Variants in CD96 observed in about 807,000 individuals in gnomAD.
The protein encoded by CD96 is CD96 molecule.
Under a neutral mutation model 71.3 loss-of-function variants are expected in CD96, and 70 were observed. The ratio of observed to expected loss-of-function variants is 0.98; its 90% CI spans 0.81 to 1.20. The LOEUF (loss-of-function observed/expected upper bound fraction) is 1.20, where lower values mean the gene tolerates loss of function less well. CD96 is among the 50% of genes most tolerant of loss of function. CD96 has a pLI of 0.00. For missense variants in CD96, 742 were observed against 677.5 expected, an observed-to-expected ratio of 1.10 and a Z score of -1.06; for synonymous variants, 248 against 233.0, an observed-to-expected ratio of 1.06 and a Z score of -0.59.
At chr3:111,579,836 T>G (rs2107586377) in intron 4 of CD96, among the ~76,000 whole-genome samples, 1 of 152,314 alleles carries the variant, frequency 6.6e-6, no homozygotes, top group African/African-American at 2.4e-5. Context: ...CTCTCAATAC[T>G]GCCACACTGG....
chr3:111,565,651 G>C (rs976772909), intron 2 of CD96, among the ~76,000 whole-genome samples: 3 of 151,978 alleles, frequency 2.0e-5, no homozygotes, highest in African/African-American at 7.2e-5. Flanking sequence ...ACTCCATTTG[G>C]AAGTGCTGTG....
At chr3:111,641,075 A>G (rs1480409503) in intron 12 of CD96, among the ~76,000 whole-genome samples, 1 of 152,238 alleles carries the variant, frequency 6.6e-6, no homozygotes, top group Non-Finnish European at 1.5e-5. Flanking sequence ...AATACAAGTT[A>G]AAAAGCAAAA....
chr3:111,613,043 C>T (rs1177768008), intron 8 of CD96, among the ~76,000 whole-genome samples: 1 of 152,036 alleles, frequency 6.6e-6, no homozygotes, highest in Non-Finnish European at 1.5e-5. Flanking sequence ...TCTTTTTCAT[C>T]ACCTTCCACC....
chr3:111,550,288 G>T (rs978009574), intron 2 of CD96, among the ~76,000 whole-genome samples: 1 of 152,140 alleles, frequency 6.6e-6, no homozygotes, highest in African/African-American at 2.4e-5. Context: ...GGGAGAAGAG[G>T]AATGAGTGGG....
intron 7 of CD96, among the ~76,000 whole-genome samples, chr3:111,602,053 C>G (rs1168686409): frequency 6.6e-6 from 1 of 152,154 alleles, no homozygotes; most frequent in African/African-American, 2.4e-5. Context: ...ACTAAAATAG[C>G]CTTACTCAAC....
At chr3:111,602,831 A>G (rs964501944) in intron 7 of CD96, among the ~76,000 whole-genome samples, 8 of 152,220 alleles carry the variant, frequency 5.3e-5, no homozygotes, top group African/African-American at 1.9e-4. Context: ...GCTAGATTAG[A>G]GAAACGCTAA....
intron 5 of CD96, among the ~76,000 whole-genome samples, chr3:111,590,729 A>G (rs1307042646): frequency 6.6e-6 from 1 of 152,202 alleles, no homozygotes; most frequent in East Asian, 1.9e-4. Context: ...TCCATGTGGC[A>G]GGTTTTTGTA....
In CD96 at chr3:111,619,647, A is replaced by C. The variant is rs16858345; in HGVS notation, c.1181-4107A>C. Reference sequence around the variant, plus strand: ...TGAAATATAAACTTAGCCTTAAAACAAAAGGTACAAAGCAAGCTTTCTCAC... The same window carrying C: ...TGAAATATAAACTTAGCCTTAAAACCAAAGGTACAAAGCAAGCTTTCTCAC... On this transcript the variant is annotated intron_variant, in intron 8 of 13. Transcript: ENST00000352690. Among the ~76,000 whole-genome samples, 1,145 of 152,362 alleles carry C rather than the reference A, an allele frequency of 7.5e-3. 16 individuals are homozygous for C. The highest frequency in any genetic ancestry group is 0.026 in the African/African-American group (1,086 of 41,580).
rs1334776995 is a variant in CD96, at chr3:111,567,646, T to C, written c.542T>C (p.Val181Ala). The C allele has an allele frequency of 6.2e-7, 1 of 1,613,066 alleles. No individual in the cohort carries two copies. Among genetic ancestry groups the C allele is most frequent in the East Asian group, 2.2e-5 (1 of 44,866 alleles). ...TCTGAGTTCACCTATGCATGGTCGG[T>C]GGTAAGTGTTGCCCTTTTCAGTGAA... ...ISSEFTYAWS[V>A]EDNGTQETLI... The change falls in exon 3 of 14, where the codon GTG (valine) becomes GCG (alanine). Residue 181 changes from valine (V) to alanine (A), a missense_variant and splice_region_variant. Transcript: ENST00000352690.
chr3:111,570,750 T>G, intron 3 of CD96: 1 of 1,613,458 alleles, frequency 6.2e-7, no homozygotes, highest in South Asian at 1.1e-5. Context: ...CTCTTCCTCC[T>G]CCTCCCCCTC....
At chr3:111,581,578 C>T (rs969353765) in intron 4 of CD96, among the ~76,000 whole-genome samples, 8 of 152,240 alleles carry the variant, frequency 5.3e-5, no homozygotes, top group African/African-American at 1.9e-4. Context: ...CTTCCTGCAT[C>T]TCCTTCACTG....
At chr3:111,639,636 C>G (rs530997931) in intron 12 of CD96, among the ~76,000 whole-genome samples, 1 of 152,326 alleles carries the variant, frequency 6.6e-6, no homozygotes, top group South Asian at 2.1e-4. Context: ...ATAGCTGATG[C>G]TTTCTGGAGA....
intron 8 of CD96, among the ~76,000 whole-genome samples, chr3:111,622,410 A>G (rs554850793): frequency 1.3e-5 from 2 of 152,336 alleles, no homozygotes; most frequent in South Asian, 4.1e-4. Flanking sequence ...TAAGTATTTT[A>G]TATGTATGAC....
intron 2 of CD96, among the ~76,000 whole-genome samples, chr3:111,555,264 C>T (rs1246765783): frequency 6.6e-6 from 1 of 152,406 alleles, no homozygotes; most frequent in East Asian, 1.9e-4. Flanking sequence ...TATTTACTCA[C>T]ATATGAAGAC....
At position 111,647,614 on chromosome 3, in the gene CD96, A is replaced by T; in HGVS notation, c.1549A>T (p.Met517Leu). ...TGTAGCAGCTTTACTCTTTTGCTGC[A>T]TGATATTGTTTGGTCTTGGAGTGAG... ...VIVAALLFCCMILFGLGVRKW... is the reference protein window; with the variant it reads ...VIVAALLFCCLILFGLGVRKW... The change falls in exon 13 of 14, where the codon ATG becomes TTG. Residue 517 changes from methionine (M) to leucine (L), a missense_variant. Met to Leu is a conservative substitution (Grantham distance 15). Coordinates refer to ENST00000352690, the MANE Select transcript of CD96 (RefSeq NM_005816.5). 1 of 1,611,722 alleles carries T rather than the reference A, an allele frequency of 6.2e-7. No individual in the cohort carries two copies. The highest frequency in any genetic ancestry group is 1.7e-4 in the Middle Eastern group (1 of 6,052).
chr3:111,637,256 T>C lies in CD96; in HGVS notation c.1382T>C (p.Leu461Pro). The C allele has an allele frequency of 6.5e-7, 1 of 1,544,492 alleles. No homozygotes were observed. The highest frequency in any genetic ancestry group is 9.0e-7 in the Non-Finnish European group (1 of 1,116,424). The change falls in exon 11 of 14, where the codon CTT becomes CCT. Residue 461 changes from leucine to proline, a missense_variant. Physicochemically the swap from Leu to Pro is moderately conservative, Grantham distance 98 (BLOSUM62 -3). Coordinates refer to ENST00000352690, the MANE Select transcript of CD96 (RefSeq NM_005816.5). ...SSSPSGAGSTLHDNVFTSTAR... is the reference protein window; with the variant it reads ...SSSPSGAGSTPHDNVFTSTAR... ...TCCCCGTCAGGTGCAGGCTCAACAC[T>C]TCATGGTGAGTACTTGGGGAAGATT...
intron 10 of CD96, among the ~76,000 whole-genome samples, chr3:111,632,661 C>G (rs1939127834): frequency 6.6e-6 from 1 of 152,136 alleles, no homozygotes; most frequent in African/African-American, 2.4e-5. Context: ...ATTCAAGACA[C>G]ATGCAAGGGT....
intron 2 of CD96, among the ~76,000 whole-genome samples, chr3:111,548,131 T>C (rs959516036): frequency 2.0e-5 from 3 of 152,210 alleles, no homozygotes; most frequent in Non-Finnish European, 4.4e-5. Context: ...CAAACACTTA[T>C]ATAGTACATA....
intron 14 of CD96, among the ~76,000 whole-genome samples, chr3:111,662,541 G>GTGA (rs1940383392): frequency 6.6e-6 from 1 of 152,140 alleles, no homozygotes; most frequent in South Asian, 2.1e-4. Flanking sequence ...ATGAGCATAG[G>GTGA]CTTTAAGAAG....
Sources: allele counts gnomAD v4.1 joint callset (sites outside exome capture counted in the v4.1 genomes callset), GRCh38; gene constraint gnomAD v4.1.1; transcripts MANE v1.5; gene names NCBI Gene and HGNC (gene_info 2026-07-23, HGNC 2026-07-21).